Variants in MCC observed in about 807,000 individuals in gnomAD.
The protein encoded by MCC is colorectal mutant cancer protein.
MCC carries 90 observed loss-of-function variants against 116.2 expected under a neutral mutation model. The observed-to-expected ratio is 0.77, with a 90% CI of 0.65 to 0.92. The LOEUF is 0.92. Ranked by LOEUF, MCC falls within the 40% of genes least tolerant of loss-of-function variation. The pLI, the probability that MCC is intolerant of heterozygous loss-of-function variation, is 0.00. For missense variants in MCC, 1,516 were observed against 1,312.2 expected (o/e 1.16, Z -2.40); for synonymous variants, 578 against 510.5 (o/e 1.13, Z -1.78).
chr5:113,443,327 C>T lies in MCC; in HGVS notation c.170+44918G>A, dbSNP rs528969066. On this transcript the variant is annotated intron_variant, in intron 1 of 18. Coordinates refer to ENST00000408903, the MANE Select transcript of MCC (RefSeq NM_001085377.2). The stretch of plus-strand genomic sequence containing the variant: ...TGTTACTGGTGTATAGAAATGCTCG[C>T]GATTTTTGTACACTGATTTTCTATC... Among the ~76,000 whole-genome samples the T allele has an allele frequency of 1.4e-4, 21 of 152,112 alleles. No individual in the cohort carries two copies. In the South Asian group the frequency reaches 2.9e-3, roughly 21 times the overall value.
intron 1 of MCC, among the ~76,000 whole-genome samples, chr5:113,484,772 G>T (rs763231576): frequency 2.6e-5 from 4 of 152,130 alleles, no homozygotes; most frequent in Non-Finnish European, 4.4e-5. Flanking sequence ...ATATTGAACG[G>T]TAAAAACAAA....
rs1759301946 is a variant in MCC at position 113,143,345 on chromosome 5, G to C, written c.757C>G (p.Leu253Val). The C allele has an allele frequency of 1.2e-6, 2 of 1,613,724 alleles. No homozygotes were observed. The highest frequency in any genetic ancestry group is 1.7e-6 in the Non-Finnish European group (2 of 1,179,968). Residue 253 changes from leucine to valine, a missense_variant, in exon 5 of 19, where the codon CTC becomes GTC. Transcript: ENST00000408903. Reference protein sequence around the residue: ...LAKAQCEQSHLMREHEDVQER... With the variant: ...LAKAQCEQSHVMREHEDVQER... ...TGGACATCCTCATGCTCTCTCATGA[G>C]GTGGGACTGCTCGCACTGGGAATAA...
chr5:113,072,251 G>C (rs926931339), intron 11 of MCC, among the ~76,000 whole-genome samples: 3 of 152,200 alleles, frequency 2.0e-5, no homozygotes, highest in Non-Finnish European at 4.4e-5. Context: ...TCAAGCCTTA[G>C]AGCAGAATAT....
chr5:113,384,483 G>A (rs887208037), intron 2 of MCC, among the ~76,000 whole-genome samples: 12 of 152,138 alleles, frequency 7.9e-5, no homozygotes, highest in African/African-American at 2.9e-4. Flanking sequence ...AGCTACTCAG[G>A]AGACTGAGGC....
At chr5:113,155,803 C>G (rs1339985264) in intron 3 of MCC, among the ~76,000 whole-genome samples, 1 of 152,178 alleles carries the variant, frequency 6.6e-6, no homozygotes, top group Admixed American at 6.5e-5. Context: ...ACATATTTCT[C>G]TTCATACTCA....
At chr5:113,048,128 T>G (rs1372228193) in intron 16 of MCC, among the ~76,000 whole-genome samples, 2 of 152,224 alleles carry the variant, frequency 1.3e-5, no homozygotes, top group Non-Finnish European at 2.9e-5. Flanking sequence ...ATTTTTCTCA[T>G]GTAAATGGGG....
At chr5:113,384,024 CGTCT>C (rs1170350560) in intron 2 of MCC, among the ~76,000 whole-genome samples, 1 of 152,106 alleles carries the variant, frequency 6.6e-6, no homozygotes, top group Admixed American at 6.5e-5. Flanking sequence ...TACTTTCTTC[CGTCT>C]CTTTGTCAAG....
chr5:113,072,162 G>A (rs1754084044), intron 11 of MCC, among the ~76,000 whole-genome samples: 1 of 152,320 alleles, frequency 6.6e-6, no homozygotes, highest in South Asian at 2.1e-4. Context: ...TAAAGAGAAA[G>A]CTTCACACAA....
rs17135650 is a variant in MCC, at chr5:113,477,371, G to C, written c.170+10874C>G. Among the ~76,000 whole-genome samples, 176 of 152,298 alleles carry C rather than the reference G, an allele frequency of 1.2e-3. 2 individuals are homozygous for C. The East Asian group carries it at 0.031, about 27-fold the overall frequency. ...TTGAAATACTCAGTACAAAGCGAAA[G>C]AAGGTCATAATCATAGGTCACAGAG... On this transcript the variant is annotated intron_variant, in intron 1 of 18. Coordinates refer to ENST00000408903, the MANE Select transcript of MCC (RefSeq NM_001085377.2).
chr5:113,105,962 G>A (rs1756705704), intron 6 of MCC, among the ~76,000 whole-genome samples: 1 of 152,180 alleles, frequency 6.6e-6, no homozygotes, highest in Non-Finnish European at 1.5e-5. Context: ...AACTACGGAT[G>A]CCCAGGCCCC....
intron 3 of MCC, among the ~76,000 whole-genome samples, chr5:113,322,808 A>T (rs543578952): frequency 6.6e-6 from 1 of 152,220 alleles, no homozygotes; most frequent in Non-Finnish European, 1.5e-5. Flanking sequence ...TAATAGTTAG[A>T]AAACTAAGTG....
chr5:113,141,440 T>C (rs555806403), intron 5 of MCC, among the ~76,000 whole-genome samples: 10 of 152,356 alleles, frequency 6.6e-5, no homozygotes, highest in African/African-American at 9.6e-5. Context: ...TCTTTACAGA[T>C]GTCTATCTGT....
intron 1 of MCC, chr5:113,433,653 C>T (rs1244843043): frequency 2.7e-6 from 4 of 1,481,326 alleles, no homozygotes; most frequent in Non-Finnish European, 1.8e-6. Context: ...GGACTGCCTT[C>T]CTTCTCTGGC....
chr5:113,031,252 G>A (rs964572150), intron 17 of MCC, among the ~76,000 whole-genome samples: 5 of 152,232 alleles, frequency 3.3e-5, no homozygotes, highest in East Asian at 1.9e-4. Flanking sequence ...CCTCCTACCC[G>A]CCTCTGCTAA....
intron 3 of MCC, among the ~76,000 whole-genome samples, chr5:113,182,751 A>G (rs559992265): frequency 2.6e-5 from 4 of 152,288 alleles, no homozygotes; most frequent in African/African-American, 9.6e-5. Flanking sequence ...TTCTATATTT[A>G]TCTACTTCCG....
chr5:113,449,679 C>A (rs1281612710), intron 1 of MCC, among the ~76,000 whole-genome samples: 1 of 152,180 alleles, frequency 6.6e-6, no homozygotes, highest in African/African-American at 2.4e-5. Flanking sequence ...GGAGGAGGCT[C>A]AGAGGTAAAA....
chr5:113,461,806 C>G (rs1771752793), intron 1 of MCC, among the ~76,000 whole-genome samples: 1 of 141,404 alleles, frequency 7.1e-6, no homozygotes, highest in South Asian at 2.2e-4. Flanking sequence ...GTGGAAGCTA[C>G]AGATTATAGT....
chr5:113,254,463 ATAAAT>A (rs1210734892), intron 3 of MCC, among the ~76,000 whole-genome samples: 3 of 152,226 alleles, frequency 2.0e-5, no homozygotes, highest in African/African-American at 4.8e-5. Flanking sequence ...AATCAAGAAA[ATAAAT>A]TATAGTTTTG....
intron 3 of MCC, chr5:113,295,034 C>T (rs1561512681): frequency 1.2e-6 from 1 of 849,484 alleles, no homozygotes; most frequent in East Asian, 1.2e-4. Flanking sequence ...GGCGAGTAGC[C>T]TGGAGGCCGA....
Sources: allele counts gnomAD v4.1 joint callset (sites outside exome capture counted in the v4.1 genomes callset), GRCh38; gene constraint gnomAD v4.1.1; transcripts MANE v1.5; gene names NCBI Gene and HGNC (gene_info 2026-07-23, HGNC 2026-07-21).